Variants in KDM4B observed in about 807,000 individuals in gnomAD.
KDM4B encodes the protein lysine-specific demethylase 4B.
Under a neutral mutation model 125.2 loss-of-function variants are expected in KDM4B, and 32 were observed. That is an observed-to-expected ratio of 0.26 (90% CI 0.19 to 0.34). KDM4B has a LOEUF of 0.34. Ranked by LOEUF, KDM4B falls within the 10% of genes least tolerant of loss-of-function variation. The pLI is 1.00. For missense variants in KDM4B, 1,190 were observed against 1,577.7 expected (o/e 0.75, Z 4.16); for synonymous variants, 721 against 677.9 (o/e 1.06, Z -0.99).
chr19:5,094,883 C>T (rs952785119), intron 9 of KDM4B, among the ~76,000 whole-genome samples: 5 of 152,292 alleles, frequency 3.3e-5, no homozygotes, highest in East Asian at 1.9e-4. Context: ...GGCTGGTGGC[C>T]GTGTCCTGGG....
At chr19:5,150,597 C>A in intron 22 of KDM4B, 147 bp downstream of exon 22, 1 of 607,566 alleles carries the variant, frequency 1.6e-6, no homozygotes, top group South Asian at 2.0e-5. Flanking sequence ...CGCCCCAGCA[C>A]AGCTGGTCCA....
At position 5,138,018 on chromosome 19, in the gene KDM4B, T is replaced by G. The variant is rs1247529047; in HGVS notation, c.2498T>G (p.Ile833Ser). ...AVPEARFLNV[I>S]ERHPVDISAI... ...CCCGAGGCGCGCTTCCTGAACGTGATTGAGCGCCACCCTGTGGACATCAGC... is the reference window on the plus strand; with the variant it reads ...CCCGAGGCGCGCTTCCTGAACGTGAGTGAGCGCCACCCTGTGGACATCAGC... Residue 833 changes from isoleucine to serine, a missense_variant, in exon 18 of 23, where the codon ATT becomes AGT. Ile to Ser is a moderately radical substitution (Grantham distance 142). Around this residue, in one of 7 missense-constraint regions of KDM4B, gnomAD observed 298 missense variants for 439.7 expected, o/e 0.68. Coordinates refer to ENST00000159111, the MANE Select transcript of KDM4B (RefSeq NM_015015.3). The G allele has an allele frequency of 6.2e-7, 1 of 1,612,712 alleles. No homozygotes were observed.
chr19:5,060,423 A>C (rs1311669802), intron 6 of KDM4B, among the ~76,000 whole-genome samples: 2 of 112,244 alleles, frequency 1.8e-5, no homozygotes, highest in Admixed American at 1.2e-4. Context: ...ACGGAGGAAG[A>C]CTCTGTCTCC....
chr19:5,020,957 G>T (rs1201335286), intron 2 of KDM4B, among the ~76,000 whole-genome samples: 2 of 151,996 alleles, frequency 1.3e-5, no homozygotes, highest in Non-Finnish European at 2.9e-5. Flanking sequence ...GACCAGCCTG[G>T]TTAACATGGT....
intron 1 of KDM4B, among the ~76,000 whole-genome samples, chr19:5,011,027 C>T (rs2035712011): frequency 6.6e-6 from 1 of 152,186 alleles, no homozygotes; most frequent in Admixed American, 6.5e-5. Flanking sequence ...ATGATGCTGT[C>T]ATTCATCCTG....
intron 6 of KDM4B, among the ~76,000 whole-genome samples, chr19:5,068,515 C>T (rs1489516058): frequency 6.6e-6 from 1 of 152,260 alleles, no homozygotes; most frequent in Non-Finnish European, 1.5e-5. Context: ...TCACTCAGTT[C>T]TGTGTGTCCT....
intron 9 of KDM4B, among the ~76,000 whole-genome samples, chr19:5,107,481 G>C (rs1399302002): frequency 6.6e-6 from 1 of 152,342 alleles, no homozygotes; most frequent in Non-Finnish European, 1.5e-5. Flanking sequence ...GCTAGACAGG[G>C]CTGTGGTGAG....
At chr19:5,039,743 G>GT in intron 3 of KDM4B, 93 bp from the exon 4 acceptor site, 1 of 1,384,268 alleles carries the variant, frequency 7.2e-7, no homozygotes, top group African/African-American at 1.5e-5. Flanking sequence ...ATCTTGGGGG[G>GT]TGCTGGTCTC....
chr19:4,976,048 G>A (rs1199164694), intron 1 of KDM4B, among the ~76,000 whole-genome samples: 4 of 151,368 alleles, frequency 2.6e-5, no homozygotes, highest in African/African-American at 7.3e-5. Flanking sequence ...TCAGGAGTTC[G>A]AGACCATCCT....
At chr19:5,036,978 G>A (rs1485063724) in intron 3 of KDM4B, among the ~76,000 whole-genome samples, 1 of 152,226 alleles carries the variant, frequency 6.6e-6, no homozygotes, top group Non-Finnish European at 1.5e-5. Context: ...CCGTGGGGGT[G>A]TTTGGAGCTT....
chr19:5,058,884 C>T (rs553081638), intron 6 of KDM4B, among the ~76,000 whole-genome samples: 3 of 152,332 alleles, frequency 2.0e-5, no homozygotes, highest in Admixed American at 2.0e-4. Flanking sequence ...AGGCGAGTCA[C>T]CGGCATCCTG....
At chr19:5,052,551 G>A (rs1268196814) in intron 6 of KDM4B, among the ~76,000 whole-genome samples, 1 of 152,162 alleles carries the variant, frequency 6.6e-6, no homozygotes. Context: ...TCTGCTGCCC[G>A]CCTAACTGCC....
At chr19:5,036,169 C>T (rs1211168907) in intron 3 of KDM4B, among the ~76,000 whole-genome samples, 5 of 151,992 alleles carry the variant, frequency 3.3e-5, no homozygotes, top group Admixed American at 3.3e-4. Context: ...TGTTGGGGTC[C>T]CCCTCTCACC....
At chr19:5,043,517 T>G (rs1399746233) in intron 5 of KDM4B, among the ~76,000 whole-genome samples, 5 of 133,128 alleles carry the variant, frequency 3.8e-5, no homozygotes, top group East Asian at 2.4e-4. Context: ...GGAGTGGGGG[T>G]GTCCACCATA....
At chr19:5,132,599 G>A (rs890115618) in intron 13 of KDM4B, among the ~76,000 whole-genome samples, 1 of 152,124 alleles carries the variant, frequency 6.6e-6, no homozygotes, top group Non-Finnish European at 1.5e-5. Flanking sequence ...TCCCAGGAGT[G>A]GAGGAATCGG....
In KDM4B at chr19:5,151,452, T is replaced by C; in HGVS notation, c.3232T>C (p.Tyr1078His). ...ATEDSGRSQD[Y>H]VAFVESLLQV... is the part of the protein sequence containing the mutation. The stretch of plus-strand genomic sequence containing the variant: ...GGAGGACTCCGGGCGGAGCCAGGAC[T>C]ACGTGGCCTTCGTGGAGAGCCTCCT... The change falls in exon 23 of 23, where the codon TAC becomes CAC. Residue 1078 changes from tyrosine (Y) to histidine (H), a missense_variant. Tyr to His is a moderately conservative substitution (Grantham distance 83, BLOSUM62 2). Around this residue, in one of 7 missense-constraint regions of KDM4B, gnomAD observed 109 missense variants for 93.8 expected, o/e 1.16. Coordinates refer to ENST00000159111, the MANE Select transcript of KDM4B (RefSeq NM_015015.3). 1 of 1,535,580 alleles carries C rather than the reference T, an allele frequency of 6.5e-7. No individual in the cohort carries two copies. Among genetic ancestry groups the C allele is most frequent in the Non-Finnish European group, 8.8e-7 (1 of 1,142,402 alleles).
intron 5 of KDM4B, among the ~76,000 whole-genome samples, chr19:5,041,600 C>T (rs549798335): frequency 1.3e-4 from 20 of 152,350 alleles, no homozygotes; most frequent in South Asian, 2.1e-4. Flanking sequence ...GTCCTCAGCC[C>T]GCCAGGCCAC....
intron 5 of KDM4B, among the ~76,000 whole-genome samples, chr19:5,042,507 A>T (rs1411870530): frequency 2.2e-4 from 34 of 152,088 alleles, no homozygotes; most frequent in Admixed American, 2.2e-3. Context: ...CAAGAAAAAA[A>T]AAAAAAAAGA....
intron 1 of KDM4B, among the ~76,000 whole-genome samples, chr19:5,015,741 T>C (rs2035872182): frequency 6.6e-6 from 1 of 152,242 alleles, no homozygotes; most frequent in Non-Finnish European, 1.5e-5. Context: ...GGAGTTCTGT[T>C]CCGCATCCAT....
Sources: gnomAD v4.1 joint callset for allele counts (sites outside exome capture counted in the v4.1 genomes callset) on GRCh38, gnomAD v4.1.1 for gene constraint, gnomAD v4.1.1 regional missense constraint, MANE v1.5 for transcripts, NCBI Gene and HGNC (gene_info 2026-07-23, HGNC 2026-07-21) for gene names.